PKP1: variants seen among roughly 807,000 people sequenced by gnomAD.
PKP1 encodes the protein plakophilin-1.
A neutral mutation model predicts 76.4 loss-of-function variants in PKP1; 27 were observed. The ratio of observed to expected loss-of-function variants is 0.35; its 90% CI spans 0.26 to 0.49. The LOEUF (loss-of-function observed/expected upper bound fraction) is 0.49. PKP1 is among the 20% of genes least tolerant of loss of function. PKP1 has a pLI of 0.99. For missense variants in PKP1, 964 were observed against 955.2 expected, an observed-to-expected ratio of 1.01 and a Z score of -0.12; for synonymous variants, 404 against 384.2, an observed-to-expected ratio of 1.05 and a Z score of -0.60.
At chr1:201,303,745 A>G (rs1407217108) in intron 2 of PKP1, among the ~76,000 whole-genome samples, 1 of 152,114 alleles carries the variant, frequency 6.6e-6, no homozygotes, top group Non-Finnish European at 1.5e-5. Flanking sequence ...TATGAGTTTC[A>G]ATGTTAGATA....
At chr1:201,323,775 G>A (rs1056070906) in intron 9 of PKP1, among the ~76,000 whole-genome samples, 4 of 152,114 alleles carry the variant, frequency 2.6e-5, no homozygotes, top group Non-Finnish European at 5.9e-5. Context: ...AGAGTAGACC[G>A]AGGGCAGAGA....
chr1:201,308,950 G>A (rs1185494816), intron 2 of PKP1, among the ~76,000 whole-genome samples: 1 of 152,108 alleles, frequency 6.6e-6, no homozygotes, highest in South Asian at 2.1e-4. Context: ...CAGTAGGGGT[G>A]TAAAAGAGGG....
intron 2 of PKP1, among the ~76,000 whole-genome samples, chr1:201,299,080 G>C (rs185189504): frequency 3.9e-5 from 6 of 152,328 alleles, no homozygotes; most frequent in African/African-American, 1.2e-4. Flanking sequence ...GGCTGCCGGG[G>C]AGAAACACGG....
chr1:201,295,452 G>A (rs1656045123), intron 2 of PKP1, among the ~76,000 whole-genome samples: 2 of 152,224 alleles, frequency 1.3e-5, no homozygotes. Flanking sequence ...ATCAAGCACA[G>A]ATGTGAATAA....
intron 6 of PKP1, chr1:201,319,768 A>C (rs367904856): frequency 7.5e-6 from 12 of 1,601,288 alleles, no homozygotes; most frequent in Non-Finnish European, 7.7e-6. Flanking sequence ...GGCCACCCCC[A>C]GATCCACTTC....
In PKP1 at chr1:201,317,625, C is replaced by T. The variant is rs1357336336; in HGVS notation, c.900C>T (p.Asn300=). 6.2e-7 allele frequency: 1 copy of T among 1,614,076 alleles called. No individual in the cohort carries two copies. Among genetic ancestry groups the T allele is most frequent in the Admixed American group, 1.7e-5 (1 of 60,022 alleles). ...TGGTGGACCTCCTCCGCAGCCCCAA[C>T]CAGAACGTCCAGCAGGCCGCGGCAG... ...CKLVDLLRSP[N]QNVQQAAAGA... is the part of the protein sequence containing the mutation. The change falls in exon 5 of 14, where the codon AAC becomes AAT. Residue 300 remains asparagine, a synonymous_variant. Transcript: ENST00000367324.
chr1:201,293,646 G>A (rs1655989965), intron 1 of PKP1, among the ~76,000 whole-genome samples: 1 of 152,190 alleles, frequency 6.6e-6, no homozygotes, highest in Non-Finnish European at 1.5e-5. Context: ...ACCAAGTCCT[G>A]ACCTGTAGGT....
chr1:201,327,191 G>T (rs1657150872), intron 12 of PKP1, among the ~76,000 whole-genome samples: 2 of 152,200 alleles, frequency 1.3e-5, no homozygotes, highest in South Asian at 4.1e-4. Context: ...GGTAAAAAGA[G>T]ATCTGTTTAA....
chr1:201,285,220 CCACA>C (rs140683611), intron 1 of PKP1, among the ~76,000 whole-genome samples: 63,760 of 136,130 alleles, frequency 0.47, 15,803 homozygotes, highest in South Asian at 0.59. Context: ...GGCCCTTCCA[CCACA>C]CACACACACA....
chr1:201,305,568 T>C (rs1656346856), intron 2 of PKP1, among the ~76,000 whole-genome samples: 2 of 152,168 alleles, frequency 1.3e-5, no homozygotes, highest in South Asian at 4.1e-4. Flanking sequence ...CACTGTTGGG[T>C]CTCCAGGGAC....
chr1:201,288,973 C>T (rs1170955601), intron 1 of PKP1, among the ~76,000 whole-genome samples: 1 of 152,304 alleles, frequency 6.6e-6, no homozygotes, highest in African/African-American at 2.4e-5. Flanking sequence ...GTACGTACAC[C>T]CAGGAAAAGG....
chr1:201,286,444 G>A (rs904379505), intron 1 of PKP1, among the ~76,000 whole-genome samples: 2 of 152,158 alleles, frequency 1.3e-5, no homozygotes, highest in African/African-American at 2.4e-5. Flanking sequence ...TCCTGTGATA[G>A]AAGTGGCTTC....
intron 9 of PKP1, 141 bp from the exon 10 acceptor site, chr1:201,324,287 T>G (rs1657036546): frequency 3.7e-6 from 3 of 815,174 alleles, no homozygotes; most frequent in South Asian, 2.9e-5. Context: ...TTTCTGTAGT[T>G]GCCCACATGT....
chr1:201,294,175 C>T, intron 2 of PKP1, 130 bp downstream of exon 2: 1 of 718,760 alleles, frequency 1.4e-6, no homozygotes, highest in Non-Finnish European at 2.5e-6. Flanking sequence ...TGAGGCTCAT[C>T]AACTCTGACT....
intron 2 of PKP1, among the ~76,000 whole-genome samples, chr1:201,300,523 C>A (rs1052806537): frequency 6.6e-6 from 1 of 152,166 alleles, no homozygotes; most frequent in Non-Finnish European, 1.5e-5. Context: ...CCAGGGAGGC[C>A]CCTTTAGAGC....
chr1:201,300,920 C>A (rs576083226), intron 2 of PKP1, among the ~76,000 whole-genome samples: 1 of 152,160 alleles, frequency 6.6e-6, no homozygotes, highest in African/African-American at 2.4e-5. Context: ...AGCAGGAATG[C>A]CCCTAGGTCT....
chr1:201,322,918 C>A, intron 8 of PKP1, 95 bp from the exon 9 acceptor site: 4 of 1,362,260 alleles, frequency 2.9e-6, no homozygotes, highest in Non-Finnish European at 4.1e-6. Context: ...TCTGGAACCA[C>A]GACCCTGAGG....
intron 12 of PKP1, 106 bp downstream of exon 12, chr1:201,325,944 CT>C (rs1657110972): frequency 7.7e-6 from 6 of 780,548 alleles, no homozygotes; most frequent in Non-Finnish European, 1.4e-5. Flanking sequence ...CGCCCCTGCC[CT>C]TCGGGACAGT....
intron 1 of PKP1, among the ~76,000 whole-genome samples, chr1:201,288,074 T>A (rs1655789127): frequency 6.6e-6 from 1 of 152,144 alleles, no homozygotes; most frequent in African/African-American, 2.4e-5. Context: ...TATGTGTGTG[T>A]ACATGTGTGT....
Sources: gnomAD v4.1 joint callset for allele counts (sites outside exome capture counted in the v4.1 genomes callset) on GRCh38, gnomAD v4.1.1 for gene constraint, MANE v1.5 for transcripts, NCBI Gene and HGNC (gene_info 2026-07-23, HGNC 2026-07-21) for gene names.